The following AGMO variants were observed in gnomAD, a reference collection of about 807,000 sequenced individuals.
AGMO encodes glyceryl-ether monooxygenase.
A neutral mutation model predicts 60.2 loss-of-function variants in AGMO; 75 were observed. The observed-to-expected ratio is 1.25, with a 90% CI of 1.03 to 1.51. AGMO has a LOEUF of 1.51. AGMO is among the 40% of genes most tolerant of loss of function. The pLI, the probability that AGMO is intolerant of heterozygous loss-of-function variation, is 0.00. For synonymous variants in AGMO, 261 were observed against 177.1 expected, an observed-to-expected ratio of 1.47 and a Z score of -3.76; for missense variants, 763 against 525.5, an observed-to-expected ratio of 1.45 and a Z score of -4.42.
the AGMO span, among the ~76,000 whole-genome samples, chr7:15,141,263 G>T: frequency 9.2e-5 from 14 of 152,094 alleles, no homozygotes; most frequent in South Asian, 2.7e-3. Flanking sequence ...GGAGACTTCT[G>T]ATTAATTAAC....
At chr7:15,273,784 CTCTTT>C (rs1783691352) in intron 12 of AGMO, among the ~76,000 whole-genome samples, 1 of 151,992 alleles carries the variant, frequency 6.6e-6, no homozygotes, top group Admixed American at 6.6e-5. Context: ...TGTTTGTGTC[CTCTTT>C]TATTTTGTTG....
chr7:15,205,233 T>G (rs1248749490), intron 12 of AGMO, among the ~76,000 whole-genome samples: 1 of 152,192 alleles, frequency 6.6e-6, no homozygotes, highest in East Asian at 1.9e-4. Flanking sequence ...CAAATATCAC[T>G]TTGTGCAGTG....
the AGMO span, among the ~76,000 whole-genome samples, chr7:15,117,894 T>A: frequency 2.0e-5 from 3 of 151,984 alleles, no homozygotes; most frequent in African/African-American, 7.2e-5. Flanking sequence ...CTGCTCTCAG[T>A]TCTAAATCTC....
chr7:15,482,858 T>C (rs1782797409), intron 3 of AGMO, among the ~76,000 whole-genome samples: 1 of 152,214 alleles, frequency 6.6e-6, no homozygotes, highest in South Asian at 2.1e-4. Context: ...ATTAATCATA[T>C]TTTTCAAAAT....
At chr7:15,481,487 G>C (rs939468997) in intron 3 of AGMO, among the ~76,000 whole-genome samples, 2 of 151,988 alleles carry the variant, frequency 1.3e-5, no homozygotes, top group Non-Finnish European at 2.9e-5. Context: ...AAAAAGATCA[G>C]TCCACAAGAC....
intron 12 of AGMO, among the ~76,000 whole-genome samples, chr7:15,339,954 A>G (rs1408051344): frequency 1.3e-5 from 2 of 152,212 alleles, no homozygotes; most frequent in Non-Finnish European, 2.9e-5. Context: ...AAGTTATTGG[A>G]TATCAACAAG....
intron 8 of AGMO, among the ~76,000 whole-genome samples, chr7:15,389,533 C>T (rs1784055245): frequency 2.0e-5 from 3 of 152,052 alleles, no homozygotes; most frequent in Admixed American, 2.0e-4. Context: ...AGAGAGATAA[C>T]CACCTTTCTT....
chr7:15,120,336 G>A, the AGMO span, among the ~76,000 whole-genome samples: 1 of 152,072 alleles, frequency 6.6e-6, no homozygotes, highest in Non-Finnish European at 1.5e-5. Context: ...CATATCAGAA[G>A]CGTTTGACCC....
chr7:15,285,643 C>G (rs1784079970), intron 12 of AGMO, among the ~76,000 whole-genome samples: 1 of 152,110 alleles, frequency 6.6e-6, no homozygotes, highest in South Asian at 2.1e-4. Flanking sequence ...AATGACCGTA[C>G]TGCCCAAAGC....
At chr7:15,305,438 G>A (rs993800143) in intron 12 of AGMO, among the ~76,000 whole-genome samples, 1 of 151,946 alleles carries the variant, frequency 6.6e-6, no homozygotes, top group Admixed American at 6.6e-5. Context: ...GGTGAAACAT[G>A]AATGATCAAA....
At chr7:15,545,559 T>A (rs1248469580) in intron 2 of AGMO, among the ~76,000 whole-genome samples, 8 of 151,976 alleles carry the variant, frequency 5.3e-5, no homozygotes, top group African/African-American at 1.9e-4. Flanking sequence ...CAACATTTCT[T>A]ATAAGTAATA....
At chr7:15,169,240 G>T in the AGMO span, among the ~76,000 whole-genome samples, 1 of 152,130 alleles carries the variant, frequency 6.6e-6, no homozygotes, top group Non-Finnish European at 1.5e-5. Flanking sequence ...AAGCCAGGTG[G>T]TCCTTGTCAT....
At chr7:15,519,397 C>G (rs1468841938) in intron 3 of AGMO, among the ~76,000 whole-genome samples, 1 of 152,016 alleles carries the variant, frequency 6.6e-6, no homozygotes, top group Non-Finnish European at 1.5e-5. Context: ...ATGTTAAGGA[C>G]AGCCAGAGAA....
At chr7:15,469,493 C>G (rs1782388351) in intron 3 of AGMO, among the ~76,000 whole-genome samples, 1 of 152,154 alleles carries the variant, frequency 6.6e-6, no homozygotes, top group African/African-American at 2.4e-5. Flanking sequence ...ATGGGCTCAG[C>G]CACCTGCTGA....
intron 12 of AGMO, among the ~76,000 whole-genome samples, chr7:15,217,085 G>A (rs1222753049): frequency 6.6e-6 from 1 of 152,054 alleles, no homozygotes. Context: ...ACGAGAAGGT[G>A]AGGAAGGAAA....
Position 15,427,841 on chromosome 7 carries a change from T to A in AGMO, c.513+3164A>T, listed in dbSNP as rs186363480. ...TAAAATGGCACTCTATCAATAGCCCTCCTTGTTGGTGAGTAATATTAAGCT... is the reference window on the plus strand; with the variant it reads ...TAAAATGGCACTCTATCAATAGCCCACCTTGTTGGTGAGTAATATTAAGCT... On this transcript the variant is annotated intron_variant, in intron 4 of 12. Coordinates refer to ENST00000342526, the MANE Select transcript of AGMO (RefSeq NM_001004320.2). 4.9e-3 allele frequency among the ~76,000 whole-genome samples: 752 copies of A among 152,274 alleles called. 1 individual carries two copies. Among genetic ancestry groups the A allele is most frequent in the Middle Eastern group, 0.014 (4 of 294 alleles).
intron 10 of AGMO, among the ~76,000 whole-genome samples, chr7:15,368,711 G>A (rs1783083771): frequency 6.6e-6 from 1 of 152,072 alleles, no homozygotes; most frequent in African/African-American, 2.4e-5. Flanking sequence ...AATAAGATGA[G>A]CAACTGAGAA....
At chr7:15,321,898 A>G (rs1405624556) in intron 12 of AGMO, among the ~76,000 whole-genome samples, 1 of 152,122 alleles carries the variant, frequency 6.6e-6, no homozygotes, top group Non-Finnish European at 1.5e-5. Context: ...ATCTTGAGAT[A>G]TAATAATGAA....
At chr7:15,165,347 TAA>T in the AGMO span, among the ~76,000 whole-genome samples, 1 of 152,150 alleles carries the variant, frequency 6.6e-6, no homozygotes. Context: ...TATATCCATG[TAA>T]CATACCTGCA....
Sources: allele counts gnomAD v4.1 joint callset (sites outside exome capture counted in the v4.1 genomes callset), GRCh38; gene constraint gnomAD v4.1.1; transcripts MANE v1.5; gene names NCBI Gene and HGNC (gene_info 2026-07-23, HGNC 2026-07-21).